The following NALF1 variants were observed in gnomAD, a reference collection of about 807,000 sequenced individuals.
The protein encoded by NALF1 is NALCN channel auxiliary factor 1.
In NALF1, 3 loss-of-function variants were observed where a neutral mutation model predicts 48.4. The ratio of observed to expected loss-of-function variants is 0.06; its 90% confidence interval spans 0.03 to 0.16. The LOEUF (loss-of-function observed/expected upper bound fraction) is 0.16. NALF1 is among the 10% of genes least tolerant of loss of function. The pLI, the probability that NALF1 is intolerant of heterozygous loss-of-function variation, is 1.00. For missense variants in NALF1, 526 were observed against 571.5 expected (o/e 0.92, Z 0.81); for synonymous variants, 262 against 245.7 (o/e 1.07, Z -0.62).
intron 1 of NALF1, among the ~76,000 whole-genome samples, chr13:107,633,693 A>G (rs1028969896): frequency 7.2e-6 from 1 of 139,642 alleles, no homozygotes; most frequent in South Asian, 2.4e-4. Flanking sequence ...CATTTGTCCA[A>G]TATTTTATTT....
chr13:107,448,833 A>C (rs1455232597), intron 1 of NALF1, among the ~76,000 whole-genome samples: 2 of 152,178 alleles, frequency 1.3e-5, no homozygotes, highest in Non-Finnish European at 2.9e-5. Flanking sequence ...CCTATGGTTT[A>C]TGTAGGTACC....
intron 1 of NALF1, among the ~76,000 whole-genome samples, chr13:107,458,495 G>A (rs939702690): frequency 6.6e-6 from 1 of 152,198 alleles, no homozygotes; most frequent in African/African-American, 2.4e-5. Flanking sequence ...GAAGCAGGCA[G>A]GTATTCCTCA....
chr13:107,225,585 C>T (rs2138819549), intron 1 of NALF1, among the ~76,000 whole-genome samples: 1 of 144,540 alleles, frequency 6.9e-6, no homozygotes, highest in South Asian at 2.5e-4. Context: ...CCTCAGGTGA[C>T]ATTTAAACTT....
At chr13:107,489,590 C>T (rs1566363237) in intron 1 of NALF1, among the ~76,000 whole-genome samples, 1 of 152,072 alleles carries the variant, frequency 6.6e-6, no homozygotes, top group Non-Finnish European at 1.5e-5. Context: ...GAAACTAGAC[C>T]ACTTCCTTAC....
In NALF1 at chr13:107,168,803, A is replaced by G. The variant is rs1190502181; in HGVS notation, c.*1694T>C. 1.3e-5 allele frequency: 2 copies of G among 152,612 alleles called. No individual in the cohort carries two copies. Among genetic ancestry groups the G allele is most frequent in the Non-Finnish European group, 2.9e-5 (2 of 68,036 alleles). 9.5% of individuals were successfully genotyped at this position (152,612 alleles called of 1,614,324 possible). ...GAGGTTAAAGTCTGTTTGAACAAAA[A>G]CAAATGCCCGGGGAAATTTCATAGC... On this transcript the variant is annotated 3_prime_UTR_variant, in exon 3 of 3. Transcript: ENST00000375915.
chr13:107,841,309 G>A (rs1234186599), intron 1 of NALF1, among the ~76,000 whole-genome samples: 1 of 152,122 alleles, frequency 6.6e-6, no homozygotes, highest in Non-Finnish European at 1.5e-5. Context: ...GAGCTTGCAT[G>A]AAGAGACAGC....
At chr13:107,751,692 T>C (rs973912527) in intron 1 of NALF1, among the ~76,000 whole-genome samples, 5 of 152,104 alleles carry the variant, frequency 3.3e-5, no homozygotes, top group Non-Finnish European at 7.4e-5. Flanking sequence ...TGTAAAATAA[T>C]GTCTGAAATG....
At position 107,324,644 on chromosome 13, in the gene NALF1, T is replaced by C. The variant is rs150652628; in HGVS notation, c.916-113889A>G. ...TATTTCTTCACCATGCATTGACTCATAGAATGTTGCGTATCAGTTGTGTTT... is the reference window on the plus strand; with the variant it reads ...TATTTCTTCACCATGCATTGACTCACAGAATGTTGCGTATCAGTTGTGTTT... On this transcript the variant is annotated intron_variant, in intron 1 of 2. Transcript: ENST00000375915. 3.5e-4 allele frequency among the ~76,000 whole-genome samples: 53 copies of C among 152,286 alleles called. 2 individuals are homozygous for C. The East Asian group carries it at 8.9e-3, about 25-fold the overall frequency.
At chr13:107,735,442 A>G (rs1465472477) in intron 1 of NALF1, among the ~76,000 whole-genome samples, 1 of 152,212 alleles carries the variant, frequency 6.6e-6, no homozygotes, top group Non-Finnish European at 1.5e-5. Flanking sequence ...GGCTGGCTTT[A>G]GAATGCTGAC....
intron 1 of NALF1, among the ~76,000 whole-genome samples, chr13:107,459,973 T>C (rs968514033): frequency 3.3e-5 from 5 of 152,006 alleles, no homozygotes; most frequent in Non-Finnish European, 5.9e-5. Flanking sequence ...AACTCCTGGG[T>C]TCAAGGGAGA....
At chr13:107,670,574 GTTGTT>G (rs1303998807) in intron 1 of NALF1, among the ~76,000 whole-genome samples, 2 of 152,178 alleles carry the variant, frequency 1.3e-5, no homozygotes, top group East Asian at 1.9e-4. Flanking sequence ...ACATAGCCTG[GTTGTT>G]TTGTTTTGAG....
chr13:107,290,738 T>C (rs1268069137), intron 1 of NALF1, among the ~76,000 whole-genome samples: 1 of 152,232 alleles, frequency 6.6e-6, no homozygotes, highest in Non-Finnish European at 1.5e-5. Flanking sequence ...ATTATTTTAT[T>C]TTGAAATAAA....
intron 1 of NALF1, among the ~76,000 whole-genome samples, chr13:107,315,886 G>T (rs1021388049): frequency 5.0e-4 from 74 of 146,974 alleles, no homozygotes; most frequent in African/African-American, 1.4e-3. Context: ...ATTTTTTATA[G>T]ATATATATAT....
chr13:107,332,310 T>C (rs985349447), intron 1 of NALF1, among the ~76,000 whole-genome samples: 5 of 152,094 alleles, frequency 3.3e-5, no homozygotes, highest in African/African-American at 9.7e-5. Flanking sequence ...GGCATACAAA[T>C]AGAGAATTTA....
intron 1 of NALF1, among the ~76,000 whole-genome samples, chr13:107,396,849 A>G (rs1246338087): frequency 6.6e-6 from 1 of 152,230 alleles, no homozygotes; most frequent in Non-Finnish European, 1.5e-5. Flanking sequence ...CTGAATGAAG[A>G]TTACAAAGTA....
At chr13:107,374,409 A>C (rs1419606299) in intron 1 of NALF1, among the ~76,000 whole-genome samples, 1 of 152,210 alleles carries the variant, frequency 6.6e-6, no homozygotes, top group Admixed American at 6.5e-5. Context: ...GGAGATCAAT[A>C]AGTAGATCCT....
At chr13:107,292,270 C>A (rs528455547) in intron 1 of NALF1, among the ~76,000 whole-genome samples, 1 of 152,290 alleles carries the variant, frequency 6.6e-6, no homozygotes, top group South Asian at 2.1e-4. Context: ...GTATAGGGCA[C>A]ATGCCATGAA....
At chr13:107,856,198 C>A (rs1880437406) in intron 1 of NALF1, among the ~76,000 whole-genome samples, 1 of 152,188 alleles carries the variant, frequency 6.6e-6, no homozygotes, top group South Asian at 2.1e-4. Flanking sequence ...TGAGCCACTG[C>A]ACCTGGACAA....
At chr13:107,196,880 T>C (rs1879403251) in intron 2 of NALF1, among the ~76,000 whole-genome samples, 1 of 152,178 alleles carries the variant, frequency 6.6e-6, no homozygotes, top group Admixed American at 6.5e-5. Flanking sequence ...AGGATAGACA[T>C]GATAAATTTG....
Sources: gnomAD v4.1 joint callset for allele counts (sites outside exome capture counted in the v4.1 genomes callset) on GRCh38, gnomAD v4.1.1 for gene constraint, MANE v1.5 for transcripts, NCBI Gene and HGNC (gene_info 2026-07-23, HGNC 2026-07-21) for gene names.